Variants in SRGAP1 observed in about 807,000 individuals in gnomAD.
SRGAP1 encodes the protein SLIT-ROBO Rho GTPase activating protein 1.
Under a neutral mutation model 121.9 loss-of-function variants are expected in SRGAP1, and 43 were observed. The ratio of observed to expected loss-of-function variants is 0.35; its 90% CI spans 0.28 to 0.46. SRGAP1 has a LOEUF of 0.46. SRGAP1 is among the 20% of genes least tolerant of loss of function. The pLI is 1.00. For synonymous variants in SRGAP1, 447 were observed against 485.4 expected, an observed-to-expected ratio of 0.92 and a Z score of 1.04; for missense variants, 1,102 against 1,350.9, an observed-to-expected ratio of 0.82 and a Z score of 2.89.
At chr12:64,047,349 A>C (rs1016236040) in intron 6 of SRGAP1, among the ~76,000 whole-genome samples, 4 of 152,192 alleles carry the variant, frequency 2.6e-5, no homozygotes, top group Non-Finnish European at 4.4e-5. Flanking sequence ...CCTAACAACC[A>C]TTAAGCTTGA....
At position 64,142,358 on chromosome 12, in the gene SRGAP1, G is replaced by A. The variant is rs12366447; in HGVS notation, c.2944G>A (p.Ala982Thr). ...CCGAGAACTGGAGAGACAGAGCACA[G>A]CAAAGCATGCCCCTGATGTGGTGCT... ...ELRELERQST[A>T]KHAPDVVLDT... The change falls in exon 22 of 22, where the codon GCA becomes ACA. Residue 982 changes from alanine to threonine, a missense_variant. Transcript: ENST00000355086. 1.3e-5 allele frequency: 21 copies of A among 1,614,012 alleles called. No homozygotes were observed. The highest frequency in any genetic ancestry group is 3.4e-6 in the Non-Finnish European group (4 of 1,180,030).
chr12:64,064,338 T>G (rs960406774), intron 7 of SRGAP1, among the ~76,000 whole-genome samples: 2 of 152,182 alleles, frequency 1.3e-5, no homozygotes, highest in Non-Finnish European at 2.9e-5. Flanking sequence ...ATTGTTTGTT[T>G]CTGGTGCAGT....
intron 1 of SRGAP1, among the ~76,000 whole-genome samples, chr12:63,945,433 A>G (rs989516082): frequency 2.0e-5 from 3 of 151,386 alleles, no homozygotes; most frequent in Admixed American, 6.6e-5. Flanking sequence ...ACCCCTCAAC[A>G]GGCCCTGGTG....
chr12:64,062,800 T>G (rs1306840996), intron 6 of SRGAP1, 117 bp from the exon 7 acceptor site: 18 of 677,880 alleles, frequency 2.7e-5, no homozygotes, highest in African/African-American at 7.2e-5. Context: ...TAATCCAATG[T>G]CATGAAAGCT....
rs563735837 is a variant in SRGAP1, at chr12:64,152,325, G to C, written c.*9653G>C. 6.6e-6 allele frequency: 1 copy of C among 152,112 alleles called. No individual in the cohort carries two copies. Among genetic ancestry groups the C allele is most frequent in the African/African-American group, 2.4e-5 (1 of 41,426 alleles). 9.4% of individuals were successfully genotyped at this position (152,112 alleles called of 1,614,324 possible). ...GTGACAGAGCAGGATTTGATTCCAC[G>C]CCATCTGGTGCTGGAGGCTATGCTC... is the stretch of plus-strand genomic sequence containing the variant. On this transcript the variant is annotated 3_prime_UTR_variant, in exon 22 of 22. Transcript: ENST00000355086.
At chr12:63,881,982 TG>T (rs1900210213) in intron 1 of SRGAP1, among the ~76,000 whole-genome samples, 1 of 152,172 alleles carries the variant, frequency 6.6e-6, no homozygotes, top group African/African-American at 2.4e-5. Flanking sequence ...TGGGAAATAT[TG>T]TGGAAACTAG....
chr12:63,889,907 C>CAA (rs879582927), intron 1 of SRGAP1, among the ~76,000 whole-genome samples: 4 of 134,204 alleles, frequency 3.0e-5, no homozygotes, highest in Non-Finnish European at 6.5e-5. Flanking sequence ...GACTCAGTCT[C>CAA]AAAAAAAAAA....
chr12:63,870,855 T>G (rs1286518063), intron 1 of SRGAP1, among the ~76,000 whole-genome samples: 1 of 152,148 alleles, frequency 6.6e-6, no homozygotes, highest in African/African-American at 2.4e-5. Context: ...GATTAGGGAT[T>G]ATAGGAGTGA....
chr12:64,008,161 G>A lies in SRGAP1; in HGVS notation c.427-8789G>A, dbSNP rs148697958. Among the ~76,000 whole-genome samples the A allele has an allele frequency of 4.1e-4, 63 of 152,168 alleles. No individual in the cohort carries two copies. The East Asian group carries it at 0.01, about 25-fold the overall frequency. ...CTGTGATCTTTCCCTATTTTACAGC[G>A]GAAACAGCTCAGAGAAGTTAAATAT... On this transcript the variant is annotated intron_variant, in intron 3 of 21. Coordinates refer to ENST00000355086, the MANE Select transcript of SRGAP1 (RefSeq NM_020762.4).
chr12:64,029,616 A>G (rs1565647448), intron 4 of SRGAP1, among the ~76,000 whole-genome samples: 1 of 152,222 alleles, frequency 6.6e-6, no homozygotes, highest in African/African-American at 2.4e-5. Context: ...TGTGTGACGG[A>G]AAGCACAGAT....
At chr12:63,898,687 G>A (rs987086487) in intron 1 of SRGAP1, among the ~76,000 whole-genome samples, 3 of 152,146 alleles carry the variant, frequency 2.0e-5, no homozygotes, top group African/African-American at 7.2e-5. Context: ...AAGACTCAAA[G>A]CATTGGTTAT....
chr12:63,980,775 G>A (rs1249590806), intron 1 of SRGAP1, among the ~76,000 whole-genome samples: 1 of 151,862 alleles, frequency 6.6e-6, no homozygotes, highest in African/African-American at 2.4e-5. Flanking sequence ...TGTATTTTTA[G>A]TAGAGACAGG....
At chr12:63,873,866 A>G (rs1307586089) in intron 1 of SRGAP1, among the ~76,000 whole-genome samples, 1 of 151,682 alleles carries the variant, frequency 6.6e-6, no homozygotes, top group African/African-American at 2.4e-5. Context: ...TGTCTCTACA[A>G]AAAATACAAA....
Position 63,902,054 on chromosome 12 carries a change from C to G in SRGAP1, c.67+57171C>G, listed in dbSNP as rs187346248. On this transcript the variant is annotated intron_variant, in intron 1 of 21. Coordinates refer to ENST00000355086, the MANE Select transcript of SRGAP1 (RefSeq NM_020762.4). The stretch of plus-strand genomic sequence containing the variant: ...TGGCTGGGGAGTGTGGTGGCTCACG[C>G]CTGTAATCCCAGTACTTTGGGAGGC... 6.3e-3 allele frequency among the ~76,000 whole-genome samples: 954 copies of G among 152,318 alleles called. 9 individuals carry two copies. Among genetic ancestry groups the G allele is most frequent in the Admixed American group, 9.5e-3 (145 of 15,300 alleles).
rs1157255862 is a variant in SRGAP1 at position 64,155,034 on chromosome 12, A to ATT, written c.*12368_*12369dup. ...TAGTTAACATTTGTTAAATATATAT[A>ATT]TTTTTTTCTTTTTCTTTTTCTTTTT... On this transcript the variant is annotated 3_prime_UTR_variant, in exon 22 of 22. Coordinates refer to ENST00000355086, the MANE Select transcript of SRGAP1 (RefSeq NM_020762.4). 6.6e-6 allele frequency: 1 copy of ATT among 151,782 alleles called. No homozygotes were observed. Among genetic ancestry groups the ATT allele is most frequent in the African/African-American group, 2.4e-5 (1 of 41,306 alleles). 9.4% of individuals were successfully genotyped at this position (151,782 alleles called of 1,614,324 possible).
chr12:63,925,176 C>A (rs61933130), intron 1 of SRGAP1, among the ~76,000 whole-genome samples: 3,858 of 152,236 alleles, frequency 0.025, 83 homozygotes, highest in Middle Eastern at 0.051. Context: ...CCTTCTCTTG[C>A]CTGAATTTAA....
Position 64,047,955 on chromosome 12 carries a change from A to G in SRGAP1, c.801+4380A>G, listed in dbSNP as rs571280066. On this transcript the variant is annotated intron_variant, in intron 6 of 21. Transcript: ENST00000355086. ...GGGTAAATGCGGTATTCATCACCTC[A>G]AGCATTTATCATTTCTTTTTGTTAC... Among the ~76,000 whole-genome samples, 25 of 152,260 alleles carry G rather than the reference A, an allele frequency of 1.6e-4. No individual in the cohort carries two copies. The South Asian group carries it at 3.3e-3, about 20-fold the overall frequency.
rs895755356 is a variant in SRGAP1, at chr12:63,851,544, G to C, written c.67+6661G>C. Among the ~76,000 whole-genome samples, 4 of 151,878 alleles carry C rather than the reference G, an allele frequency of 2.6e-5. 1 individual carries two copies. The South Asian group carries it at 8.4e-4, about 32-fold the overall frequency. On this transcript the variant is annotated intron_variant, in intron 1 of 21. Coordinates refer to ENST00000355086, the MANE Select transcript of SRGAP1 (RefSeq NM_020762.4). ...GTCAATTTCTTCATCTGTAAAATAG[G>C]GATAATAGTAGTACTTACCTTGTTG...
intron 4 of SRGAP1, among the ~76,000 whole-genome samples, chr12:64,028,322 C>G (rs2034698110): frequency 6.6e-6 from 1 of 152,240 alleles, no homozygotes; most frequent in South Asian, 2.1e-4. Flanking sequence ...ATGACCTTCT[C>G]TGTCACTGAC....
Sources: allele counts gnomAD v4.1 joint callset (sites outside exome capture counted in the v4.1 genomes callset), GRCh38; gene constraint gnomAD v4.1.1; transcripts MANE v1.5; gene names NCBI Gene and HGNC (gene_info 2026-07-23, HGNC 2026-07-21).